FAM53B: variants seen among roughly 807,000 people sequenced by gnomAD.
FAM53B encodes family with sequence similarity 53 member B, also known as protein FAM53B.
A neutral mutation model predicts 32.7 loss-of-function variants in FAM53B; 12 were observed. The observed-to-expected ratio is 0.37, with a 90% CI of 0.24 to 0.59. FAM53B has a LOEUF of 0.59. FAM53B is among the 20% of genes least tolerant of loss of function. The probability of loss-of-function intolerance (pLI) is 0.72; values close to 1 mark genes in which losing one functional copy is unlikely to be tolerated. For missense variants in FAM53B, 477 were observed against 577.7 expected (o/e 0.83, Z 1.79); for synonymous variants, 234 against 228.7 (o/e 1.02, Z -0.21).
rs566033571 is a variant in FAM53B at position 124,650,587 on chromosome 10, G to C, written c.907-26983C>G. 3.3e-5 allele frequency among the ~76,000 whole-genome samples: 5 copies of C among 152,292 alleles called. No individual in the cohort carries two copies. In the South Asian group the frequency reaches 1.0e-3, roughly 32 times the overall value. On this transcript the variant is annotated intron_variant, in intron 4 of 4. Transcript: ENST00000337318. ...CTTCTCATCTCCACTTTACAAATGA[G>C]GACGCTGCAGCTCAGAGTTTACCTG...
At chr10:124,631,523 G>A (rs1299348343) in intron 4 of FAM53B, among the ~76,000 whole-genome samples, 2 of 152,264 alleles carry the variant, frequency 1.3e-5, no homozygotes, top group South Asian at 2.1e-4. Context: ...ACTCATAACG[G>A]AGCCCTAGAA....
intron 4 of FAM53B, among the ~76,000 whole-genome samples, chr10:124,637,028 T>C (rs141840810): frequency 6.6e-6 from 1 of 152,138 alleles, no homozygotes; most frequent in Admixed American, 6.5e-5. Context: ...ACACAACTGA[T>C]TTATCTGCCC....
Position 124,696,066 on chromosome 10 carries a change from C to T in FAM53B, c.133+92G>A. ...GGGGCTGCTCTTTTTGAACTTGTGT[C>T]CAGAAAGTGCTTTGAGTGTCTCACC... On this transcript the variant is annotated intron_variant, in intron 3 of 4. Transcript: ENST00000337318. 4 of 1,033,356 alleles carry T rather than the reference C, an allele frequency of 3.9e-6. No individual in the cohort carries two copies. The Admixed American group carries it at 5.6e-5, about 14-fold the overall frequency. The allele number at this position is 1,033,356 out of a possible 1,614,324, so 64.0% of individuals were successfully genotyped here.
chr10:124,715,238 T>C (rs1950031850), intron 1 of FAM53B, among the ~76,000 whole-genome samples: 1 of 152,142 alleles, frequency 6.6e-6, no homozygotes, highest in Non-Finnish European at 1.5e-5. Context: ...AACATGGTAT[T>C]AGGGGTTCCA....
At chr10:124,726,115 G>C (rs911000207) in intron 1 of FAM53B, among the ~76,000 whole-genome samples, 1 of 152,206 alleles carries the variant, frequency 6.6e-6, no homozygotes. Flanking sequence ...AAGCCCTCCA[G>C]GTTGAGTCCG....
chr10:124,701,229 T>C (rs1412307993), intron 2 of FAM53B, among the ~76,000 whole-genome samples: 1 of 152,204 alleles, frequency 6.6e-6, no homozygotes, highest in African/African-American at 2.4e-5. Flanking sequence ...GCCCGAAGTA[T>C]GAAGAACCCC....
At chr10:124,652,569 G>C (rs898564932) in intron 4 of FAM53B, among the ~76,000 whole-genome samples, 3 of 152,186 alleles carry the variant, frequency 2.0e-5, no homozygotes, top group African/African-American at 7.2e-5. Flanking sequence ...ACCTGCAGAG[G>C]CAAGGGGTCC....
At chr10:124,683,419 T>C (rs1298724286) in intron 3 of FAM53B, among the ~76,000 whole-genome samples, 1 of 152,152 alleles carries the variant, frequency 6.6e-6, no homozygotes, top group Non-Finnish European at 1.5e-5. Context: ...ATCATGCACA[T>C]GTGAATGGCT....
chr10:124,718,205 T>G (rs1205099782), intron 1 of FAM53B, among the ~76,000 whole-genome samples: 1 of 152,068 alleles, frequency 6.6e-6, no homozygotes, highest in African/African-American at 2.4e-5. Flanking sequence ...ACAAGCTCTG[T>G]AAGAACTGCT....
At chr10:124,667,715 A>G (rs1222559983) in intron 4 of FAM53B, among the ~76,000 whole-genome samples, 1 of 152,246 alleles carries the variant, frequency 6.6e-6, no homozygotes, top group East Asian at 1.9e-4. Flanking sequence ...GACTGCCCTC[A>G]AGCTAATGAG....
chr10:124,742,201 G>A (rs865933342), intron 1 of FAM53B, among the ~76,000 whole-genome samples: 7 of 152,288 alleles, frequency 4.6e-5, no homozygotes, highest in Middle Eastern at 3.4e-3. Context: ...ACAGCCAAGT[G>A]CAGACACAGA....
intron 4 of FAM53B, among the ~76,000 whole-genome samples, chr10:124,645,739 G>A (rs749171627): frequency 6.6e-6 from 1 of 152,160 alleles, no homozygotes; most frequent in Non-Finnish European, 1.5e-5. Context: ...CCGGGAGCTG[G>A]CAGAAGTGCG....
intron 4 of FAM53B, chr10:124,671,082 T>C (rs1589745584): frequency 2.3e-6 from 1 of 438,626 alleles, no homozygotes; most frequent in Non-Finnish European, 4.7e-6. Flanking sequence ...AGAGCCAGGC[T>C]GGGGGACAGA....
At chr10:124,643,989 G>A (rs1949494179) in intron 4 of FAM53B, among the ~76,000 whole-genome samples, 1 of 152,188 alleles carries the variant, frequency 6.6e-6, no homozygotes, top group Non-Finnish European at 1.5e-5. Context: ...GCTCATGCCA[G>A]GGGCCTCCAC....
At chr10:124,695,190 C>T (rs536167396) in intron 3 of FAM53B, among the ~76,000 whole-genome samples, 1 of 152,322 alleles carries the variant, frequency 6.6e-6, no homozygotes, top group South Asian at 2.1e-4. Context: ...TGAAAGCCCA[C>T]AGTCATCATC....
At chr10:124,692,764 A>C (rs902862587) in intron 3 of FAM53B, among the ~76,000 whole-genome samples, 1 of 147,928 alleles carries the variant, frequency 6.8e-6, no homozygotes, top group Non-Finnish European at 1.5e-5. Context: ...CACTCAATTT[A>C]TATTAGTTAT....
intron 3 of FAM53B, among the ~76,000 whole-genome samples, chr10:124,694,338 C>T (rs1384549481): frequency 6.6e-6 from 1 of 152,260 alleles, no homozygotes; most frequent in Non-Finnish European, 1.5e-5. Flanking sequence ...CTGGGCTCTG[C>T]AGCCTCCGAT....
At position 124,681,769 on chromosome 10, in the gene FAM53B, G is replaced by A. The variant is rs1225239217; in HGVS notation, c.744C>T (p.Ser248=). The A allele has an allele frequency of 1.2e-6, 2 of 1,608,430 alleles. No homozygotes were observed. The highest frequency in any genetic ancestry group is 1.7e-6 in the Non-Finnish European group (2 of 1,177,546). ...FVEYCPPSAN[S]TPASTPELAR... ...CCAGCTCTGGTGTTGAGGCAGGTGT[G>A]CTGTTGGCTGAGGGAGGACAGTATT... Residue 248 remains serine (S), a synonymous_variant, in exon 4 of 5, where the codon AGC becomes AGT. Transcript: ENST00000337318.
At chr10:124,743,303 G>A (rs1375266194) in intron 1 of FAM53B, among the ~76,000 whole-genome samples, 5 of 152,202 alleles carry the variant, frequency 3.3e-5, no homozygotes, top group South Asian at 2.1e-4. Flanking sequence ...TCCAAGACTA[G>A]CAAAAATGTG....
Sources: gnomAD v4.1 joint callset for allele counts (sites outside exome capture counted in the v4.1 genomes callset) on GRCh38, gnomAD v4.1.1 for gene constraint, MANE v1.5 for transcripts, NCBI Gene and HGNC (gene_info 2026-07-23, HGNC 2026-07-21) for gene names.